MEMO1: variants seen among roughly 807,000 people sequenced by gnomAD.
MEMO1 encodes mediator of cell motility 1.
In MEMO1, 6 loss-of-function variants were observed where a neutral mutation model predicts 45.2. The ratio of observed to expected loss-of-function variants is 0.13; its 90% CI spans 0.07 to 0.26. The LOEUF is 0.26. MEMO1 is among the 10% of genes least tolerant of loss of function. The pLI, the probability that MEMO1 is intolerant of heterozygous loss-of-function variation, is 1.00. For synonymous variants in MEMO1, 78 were observed against 124.3 expected (o/e 0.63, Z 2.48); for missense variants, 184 against 370.5 (o/e 0.50, Z 4.13).
rs1558541953 is a variant in MEMO1, at chr2:31,969,585, G to GT, written c.62-26203_62-26202insA. 3.9e-3 allele frequency among the ~76,000 whole-genome samples: 345 copies of GT among 89,464 alleles called. 1 individual carries two copies. Among genetic ancestry groups the GT allele is most frequent in the African/African-American group, 0.01 (221 of 21,708 alleles). 58.7% of individuals were successfully genotyped at this position (89,464 alleles called of 152,430 possible). A position where few individuals can be genotyped will look rare whatever the true frequency, so the allele number is the denominator to read the frequency against. ...AAATCTTTTCTGGGGGTGTGTGTGT[G>GT]GGTGTGTGTGTGTGTGTGTGTGTGT... On this transcript the variant is annotated intron_variant, in intron 2 of 9. Transcript: ENST00000404530.
At chr2:31,874,072 T>G (rs1674195762) in intron 8 of MEMO1, among the ~76,000 whole-genome samples, 1 of 151,976 alleles carries the variant, frequency 6.6e-6, no homozygotes, top group Non-Finnish European at 1.5e-5. Flanking sequence ...ACTGATAAAT[T>G]TAAAAGAAAA....
At chr2:31,878,629 C>T (rs1221939836) in intron 8 of MEMO1, among the ~76,000 whole-genome samples, 1 of 152,084 alleles carries the variant, frequency 6.6e-6, no homozygotes, top group Non-Finnish European at 1.5e-5. Context: ...TGAGCACGTG[C>T]TTCTGGCAGG....
intron 4 of MEMO1, among the ~76,000 whole-genome samples, chr2:31,930,418 T>C (rs1664000792): frequency 1.3e-5 from 2 of 152,148 alleles, no homozygotes; most frequent in African/African-American, 4.8e-5. Flanking sequence ...CACTTTCCAT[T>C]AACCTATTTA....
intron 8 of MEMO1, among the ~76,000 whole-genome samples, chr2:31,882,935 TAA>T (rs1299765844): frequency 6.6e-6 from 1 of 152,078 alleles, no homozygotes; most frequent in Admixed American, 6.5e-5. Flanking sequence ...AAAAATATAC[TAA>T]GTTATTTAAT....
intron 4 of MEMO1, among the ~76,000 whole-genome samples, chr2:31,927,468 C>A (rs1683277343): frequency 6.6e-6 from 1 of 152,020 alleles, no homozygotes. Flanking sequence ...ACTCCTCTTC[C>A]TTTTCTAACT....
intron 2 of MEMO1, among the ~76,000 whole-genome samples, chr2:31,992,460 T>G (rs1266715168): frequency 6.6e-6 from 1 of 152,110 alleles, no homozygotes; most frequent in African/African-American, 2.4e-5. Context: ...CACAATACAT[T>G]CCAAATGGAT....
chr2:31,995,998 A>G (rs1411767869), intron 2 of MEMO1, among the ~76,000 whole-genome samples: 3 of 152,220 alleles, frequency 2.0e-5, no homozygotes, highest in Non-Finnish European at 2.9e-5. Context: ...CAAAAACTTA[A>G]TACCTACCAA....
chr2:31,933,008 T>C (rs950090833), intron 3 of MEMO1, among the ~76,000 whole-genome samples: 1 of 152,024 alleles, frequency 6.6e-6, no homozygotes, highest in Non-Finnish European at 1.5e-5. Flanking sequence ...TAGAGATATA[T>C]CCATACAATG....
At chr2:31,885,237 A>C (rs942156916) in intron 7 of MEMO1, among the ~76,000 whole-genome samples, 25 of 152,072 alleles carry the variant, frequency 1.6e-4, no homozygotes, top group African/African-American at 6.0e-4. Flanking sequence ...CTCCTGCCTC[A>C]ACCTCCCGAG....
At chr2:31,971,342 G>A (rs574862560) in intron 2 of MEMO1, among the ~76,000 whole-genome samples, 1 of 152,004 alleles carries the variant, frequency 6.6e-6, no homozygotes, top group African/African-American at 2.4e-5. Flanking sequence ...CGACCTCCTG[G>A]GCTCAAGTGA....
chr2:31,972,696 G>A (rs185480970), intron 2 of MEMO1, among the ~76,000 whole-genome samples: 1 of 152,168 alleles, frequency 6.6e-6, no homozygotes, highest in Non-Finnish European at 1.5e-5. Flanking sequence ...AGGCAACAGA[G>A]TGAGACTCCA....
chr2:31,992,665 T>C (rs1039918584), intron 2 of MEMO1, among the ~76,000 whole-genome samples: 12 of 152,156 alleles, frequency 7.9e-5, no homozygotes, highest in Non-Finnish European at 1.6e-4. Flanking sequence ...GAGCCTATAA[T>C]CCCAGCTACT....
intron 4 of MEMO1, chr2:31,923,475 T>G: frequency 1.4e-6 from 1 of 738,032 alleles, no homozygotes; most frequent in East Asian, 3.4e-5. Context: ...AATCTATAGA[T>G]TTCTAAATGA....
At chr2:31,968,238 T>TA (rs905437886) in intron 2 of MEMO1, among the ~76,000 whole-genome samples, 1 of 152,014 alleles carries the variant, frequency 6.6e-6, no homozygotes, top group African/African-American at 2.4e-5. Flanking sequence ...TCCTCATCTA[T>TA]AAAAAAAGGA....
intron 4 of MEMO1, among the ~76,000 whole-genome samples, chr2:31,922,445 C>G (rs978769479): frequency 3.9e-5 from 6 of 151,956 alleles, no homozygotes; most frequent in Non-Finnish European, 5.9e-5. Flanking sequence ...ACTTCATCCA[C>G]AGGCCATTTC....
chr2:31,981,181 A>G (rs1670592455), intron 2 of MEMO1, among the ~76,000 whole-genome samples: 1 of 152,238 alleles, frequency 6.6e-6, no homozygotes, highest in African/African-American at 2.4e-5. Flanking sequence ...AACAGATCTG[A>G]AGGAGGGCCC....
At chr2:31,933,789 A>C (rs1664586181) in intron 3 of MEMO1, among the ~76,000 whole-genome samples, 1 of 152,132 alleles carries the variant, frequency 6.6e-6, no homozygotes, top group Non-Finnish European at 1.5e-5. Context: ...GGAGCCTATC[A>C]AGTTGCCTCA....
intron 6 of MEMO1, among the ~76,000 whole-genome samples, chr2:31,902,125 A>G (rs779929997): frequency 6.6e-6 from 1 of 151,884 alleles, no homozygotes; most frequent in Non-Finnish European, 1.5e-5. Context: ...CTTAAAAACA[A>G]ATTTTTTTAG....
At chr2:31,995,475 C>G (rs770128905) in intron 2 of MEMO1, among the ~76,000 whole-genome samples, 1 of 151,788 alleles carries the variant, frequency 6.6e-6, no homozygotes. Context: ...ATAAGACAAT[C>G]AAATGGAATA....
Sources: gnomAD v4.1 joint callset for allele counts (sites outside exome capture counted in the v4.1 genomes callset) on GRCh38, gnomAD v4.1.1 for gene constraint, MANE v1.5 for transcripts, NCBI Gene and HGNC (gene_info 2026-07-23, HGNC 2026-07-21) for gene names.